Variants in CRTC3 observed in about 807,000 individuals in gnomAD.
CRTC3 encodes CREB regulated transcription coactivator 3.
A neutral mutation model predicts 74.5 loss-of-function variants in CRTC3; 26 were observed. That is an observed-to-expected ratio of 0.35 (90% CI 0.26 to 0.48). The LOEUF is 0.48. Ranked by LOEUF, CRTC3 falls within the 20% of genes least tolerant of loss-of-function variation. The pLI is 0.99. For synonymous variants in CRTC3, 377 were observed against 325.8 expected (o/e 1.16, Z -1.69); for missense variants, 760 against 787.3 (o/e 0.97, Z 0.41).
intron 2 of CRTC3, among the ~76,000 whole-genome samples, chr15:90,569,860 G>C (rs1364195512): frequency 2.0e-5 from 3 of 152,150 alleles, no homozygotes; most frequent in Non-Finnish European, 4.4e-5. Flanking sequence ...TTATTTGACA[G>C]ATTCTACTTT....
chr15:90,629,638 A>T lies in CRTC3; in HGVS notation c.1266+106A>T, dbSNP rs1480013280. ...TTGGGTTACACTCATTATTACACCAAGCACCCATGAGGTCTCAAGTGCAGT... is the reference window on the plus strand; with the variant it reads ...TTGGGTTACACTCATTATTACACCATGCACCCATGAGGTCTCAAGTGCAGT... On this transcript the variant is annotated intron_variant, in intron 11 of 14. Transcript: ENST00000268184. 8.1e-6 allele frequency: 9 copies of T among 1,105,972 alleles called. No individual in the cohort carries two copies. In the African/African-American group the frequency reaches 1.4e-4, roughly 17 times the overall value. 68.5% of individuals were successfully genotyped at this position (1,105,972 alleles called of 1,614,324 possible).
rs374266820 is a variant in CRTC3 at position 90,641,135 on chromosome 15, C to G, written c.1587C>G (p.Asp529Glu). 4 of 1,614,070 alleles carry G rather than the reference C, an allele frequency of 2.5e-6. No homozygotes were observed. Among genetic ancestry groups the G allele is most frequent in the South Asian group, 1.1e-5 (1 of 91,068 alleles). The change falls in exon 14 of 15, where the codon GAC (aspartate) becomes GAG (glutamate). Residue 529 changes from aspartate (D) to glutamate (E), a missense_variant. Around this residue, in one of 2 missense-constraint regions of CRTC3, gnomAD observed 652 missense variants for 635.2 expected, o/e 1.03. Coordinates refer to ENST00000268184, the MANE Select transcript of CRTC3 (RefSeq NM_022769.5). ...LVQQGSRELQ[D>E]SFHLRPSPYS... ...AACAAGGTTCCCGAGAACTGCAGGA[C>G]TCTTTTCATTTGAGACCAAGCCCGT...
rs116104224 is a variant in CRTC3 at position 90,534,503 on chromosome 15, G to C, written c.132+4300G>C. Among the ~76,000 whole-genome samples the C allele has an allele frequency of 9.2e-3, 1,406 of 152,296 alleles. 26 individuals carry two copies. Among genetic ancestry groups the C allele is most frequent in the African/African-American group, 0.033 (1,361 of 41,562 alleles). ...ATGGAACAGATATTGTAAACTGGTG[G>C]CTTAAGTTCTGTATTTTGCCCTCTA... On this transcript the variant is annotated intron_variant, in intron 1 of 14. Coordinates refer to ENST00000268184, the MANE Select transcript of CRTC3 (RefSeq NM_022769.5).
intron 2 of CRTC3, among the ~76,000 whole-genome samples, chr15:90,574,614 T>G (rs917960381): frequency 1.7e-4 from 26 of 152,166 alleles, no homozygotes; most frequent in African/African-American, 6.0e-4. Context: ...ATGTGTAGTT[T>G]TAGTAGATAT....
chr15:90,627,740 G>C (rs12907486), intron 10 of CRTC3, among the ~76,000 whole-genome samples: 149,700 of 149,714 alleles, frequency 1, 74,843 homozygotes, highest in Middle Eastern at 1. Flanking sequence ...TCCTGCCTCA[G>C]CCTCCCCAGT....
At chr15:90,574,750 G>GA (rs1180209531) in intron 2 of CRTC3, among the ~76,000 whole-genome samples, 2 of 152,084 alleles carry the variant, frequency 1.3e-5, no homozygotes, top group African/African-American at 4.8e-5. Context: ...CTACATAGTA[G>GA]AAAAATTATG....
At chr15:90,636,063 G>T (rs1298020267) in intron 11 of CRTC3, among the ~76,000 whole-genome samples, 1 of 152,082 alleles carries the variant, frequency 6.6e-6, no homozygotes, top group African/African-American at 2.4e-5. Context: ...CTACTTTAAA[G>T]TTCATATGGA....
intron 2 of CRTC3, among the ~76,000 whole-genome samples, chr15:90,582,034 C>T (rs1967554260): frequency 6.6e-6 from 1 of 152,200 alleles, no homozygotes; most frequent in African/African-American, 2.4e-5. Flanking sequence ...TTACCAGCCA[C>T]TAGGCCGGAC....
intron 1 of CRTC3, among the ~76,000 whole-genome samples, chr15:90,536,427 G>A (rs1052850190): frequency 2.0e-5 from 3 of 150,854 alleles, no homozygotes; most frequent in Non-Finnish European, 4.4e-5. Flanking sequence ...TTTGGGAGGT[G>A]GAGGTTGCAG....
rs1242086840 is a variant in CRTC3 at position 90,642,709 on chromosome 15, C to T, written c.*569C>T. 3 of 231,938 alleles carry T rather than the reference C, an allele frequency of 1.3e-5. No individual in the cohort carries two copies. The highest frequency in any genetic ancestry group is 1.8e-4 in the South Asian group (1 of 5,592). The allele number at this position is 231,938 out of a possible 1,614,324, so 14.4% of individuals were successfully genotyped here. A position where few individuals can be genotyped will look rare whatever the true frequency, so the allele number is the denominator to read the frequency against. ...CGACATGAAGTTTTTACCACAAGCC[C>T]GAGGGCAGGCTTGAGTTAGGCAGAC... On this transcript the variant is annotated 3_prime_UTR_variant, in exon 15 of 15. Coordinates refer to ENST00000268184, the MANE Select transcript of CRTC3 (RefSeq NM_022769.5).
Position 90,643,977 on chromosome 15 carries a change from C to T in CRTC3, c.*1837C>T, listed in dbSNP as rs1273355557. Reference sequence around the variant, plus strand: ...CCCTGGGCTGGTTAGCCTCTCCCGACCTCATTCCATTTCTATCTTCTGACC... The same window carrying T: ...CCCTGGGCTGGTTAGCCTCTCCCGATCTCATTCCATTTCTATCTTCTGACC... On this transcript the variant is annotated 3_prime_UTR_variant, in exon 15 of 15. Coordinates refer to ENST00000268184, the MANE Select transcript of CRTC3 (RefSeq NM_022769.5). 1 of 232,742 alleles carries T rather than the reference C, an allele frequency of 4.3e-6. No homozygotes were observed. Among genetic ancestry groups the T allele is most frequent in the African/African-American group, 2.2e-5 (1 of 45,410 alleles). 14.4% of individuals were successfully genotyped at this position (232,742 alleles called of 1,614,324 possible). A position where few individuals can be genotyped will look rare whatever the true frequency, so the allele number is the denominator to read the frequency against.
At chr15:90,554,212 T>C (rs2151062884) in intron 2 of CRTC3, among the ~76,000 whole-genome samples, 1 of 152,124 alleles carries the variant, frequency 6.6e-6, no homozygotes, top group East Asian at 1.9e-4. Context: ...TCCTCTTTTT[T>C]TTTTTTTTTG....
rs1968092974 is a variant in CRTC3, at chr15:90,602,398, T to C, written c.413+13T>C. 4 of 1,498,490 alleles carry C rather than the reference T, an allele frequency of 2.7e-6. No homozygotes were observed. In the African/African-American group the frequency reaches 4.1e-5, roughly 15 times the overall value. The allele number at this position is 1,498,490 out of a possible 1,614,324, so 92.8% of individuals were successfully genotyped here. A position where few individuals can be genotyped will look rare whatever the true frequency, so the allele number is the denominator to read the frequency against. On this transcript the variant is annotated intron_variant, in intron 4 of 14. Transcript: ENST00000268184. ...AGAGTTGGCCAAGGTAAGCAAGACA[T>C]ACTTTAAAAGATATGATGGGCATGT...
At chr15:90,537,529 G>A (rs1442991268) in intron 1 of CRTC3, among the ~76,000 whole-genome samples, 3 of 152,114 alleles carry the variant, frequency 2.0e-5, no homozygotes, top group South Asian at 4.1e-4. Flanking sequence ...GACTGCAGGC[G>A]CCCACCACCA....
intron 3 of CRTC3, among the ~76,000 whole-genome samples, chr15:90,601,194 G>A (rs182351685): frequency 8.2e-4 from 125 of 152,236 alleles, no homozygotes; most frequent in African/African-American, 2.8e-3. Flanking sequence ...CCCTCTGCTC[G>A]GTGTGTAGTG....
chr15:90,583,130 C>G (rs1055029685), intron 2 of CRTC3, among the ~76,000 whole-genome samples: 7 of 152,038 alleles, frequency 4.6e-5, no homozygotes, highest in Admixed American at 2.6e-4. Flanking sequence ...GAGCCACCAC[C>G]ACACCCAGCC....
In CRTC3 at chr15:90,629,447, C is replaced by T. The variant is rs1968958271; in HGVS notation, c.1181C>T (p.Thr394Met). ...RRRQPPVSPL[T>M]LSPGPEAHQG... Reference sequence around the variant, plus strand: ...CGGCAGCCTCCCGTCAGCCCTCTCACGCTTTCTCCTGGCCCTGAAGCACAT... The same window carrying T: ...CGGCAGCCTCCCGTCAGCCCTCTCATGCTTTCTCCTGGCCCTGAAGCACAT... The change falls in exon 11 of 15, where the codon ACG becomes ATG. Residue 394 changes from threonine (T) to methionine (M), a missense_variant. By Grantham distance (81) the Thr-to-Met change is moderately conservative. Around this residue, in one of 2 missense-constraint regions of CRTC3, gnomAD observed 652 missense variants for 635.2 expected, o/e 1.03. Transcript: ENST00000268184. 5 of 1,614,152 alleles carry T rather than the reference C, an allele frequency of 3.1e-6. No individual in the cohort carries two copies. Among genetic ancestry groups the T allele is most frequent in the African/African-American group, 1.3e-5 (1 of 75,040 alleles).
In CRTC3 at chr15:90,642,095, G is replaced by T. The variant is rs377228977; in HGVS notation, c.1815G>T (p.Leu605=). 8 of 1,613,988 alleles carry T rather than the reference G, an allele frequency of 5.0e-6. No individual in the cohort carries two copies. In the African/African-American group the frequency reaches 1.1e-4, roughly 22 times the overall value. Residue 605 remains leucine, a synonymous_variant, in exon 15 of 15, where the codon CTG becomes CTT. Transcript: ENST00000268184. ...LNMLSDSSMG[L]LDPSVEETFR... is the part of the protein sequence containing the mutation. ...TGTTAAGTGACTCCAGCATGGGCCTGCTGGACCCCTCTGTTGAAGAGACGT... is the reference window on the plus strand; with the variant it reads ...TGTTAAGTGACTCCAGCATGGGCCTTCTGGACCCCTCTGTTGAAGAGACGT...
chr15:90,635,010 A>G (rs762402045), intron 11 of CRTC3: 2 of 1,273,240 alleles, frequency 1.6e-6, no homozygotes, highest in Non-Finnish European at 2.3e-6. Flanking sequence ...AGATGGTGAC[A>G]TTCTTGGAAA....
Sources: allele counts gnomAD v4.1 joint callset (sites outside exome capture counted in the v4.1 genomes callset), GRCh38; gene constraint gnomAD v4.1.1; regional missense constraint gnomAD v4.1.1; transcripts MANE v1.5; gene names NCBI Gene and HGNC (gene_info 2026-07-23, HGNC 2026-07-21).